Variants in PSEN2 observed in about 807,000 individuals in gnomAD.
PSEN2 encodes presenilin-2.
Under a neutral mutation model 49.1 loss-of-function variants are expected in PSEN2, and 32 were observed. The ratio of observed to expected loss-of-function variants is 0.65; its 90% confidence interval spans 0.49 to 0.88. The LOEUF (loss-of-function observed/expected upper bound fraction) is 0.88. PSEN2 is among the 40% of genes least tolerant of loss of function. The probability of loss-of-function intolerance (pLI) is 0.00; values close to 1 mark genes in which losing one functional copy is unlikely to be tolerated. For synonymous variants in PSEN2, 255 were observed against 244.0 expected (o/e 1.05, Z -0.42); for missense variants, 522 against 586.9 (o/e 0.89, Z 1.14).
At chr1:226,901,052 T>C (rs1394022706), downstream of PSEN2, among the ~76,000 whole-genome samples, 2 of 152,142 alleles carry the variant, frequency 1.3e-5, no homozygotes, top group East Asian at 3.8e-4. Context: ...GTTTGTAGAA[T>C]AGGTGCTCTT....
At chr1:226,878,989 C>T (rs1467065234) in intron 3 of PSEN2, among the ~76,000 whole-genome samples, 7 of 152,172 alleles carry the variant, frequency 4.6e-5, no homozygotes, top group Non-Finnish European at 1.0e-4. Flanking sequence ...TCTAGTGAGG[C>T]TGAGCCAGAG....
At chr1:226,893,888 G>A in intron 11 of PSEN2, 119 bp from the exon 12 acceptor site, 1 of 847,860 alleles carries the variant, frequency 1.2e-6, no homozygotes, top group Non-Finnish European at 2.0e-6. Flanking sequence ...AGCTTCTAGA[G>A]GCCAGGTGGG....
rs1048421013 is a variant in PSEN2, at chr1:226,891,206, C to T, written c.887-72C>T. The T allele has an allele frequency of 2.0e-5, 28 of 1,368,348 alleles. 1 individual carries two copies. In the Middle Eastern group the frequency reaches 1.1e-3, roughly 54 times the overall value. 84.8% of individuals were successfully genotyped at this position (1,368,348 alleles called of 1,614,324 possible). On this transcript the variant is annotated intron_variant, in intron 9 of 12. Transcript: ENST00000366783. ...GCAGGCTTTCTGGGACGCAGACTGGCCACCTCCCCCAGGCCCTGCAGGCAG... is the reference window on the plus strand; with the variant it reads ...GCAGGCTTTCTGGGACGCAGACTGGTCACCTCCCCCAGGCCCTGCAGGCAG...
At position 226,883,585 on chromosome 1, in the gene PSEN2, C is replaced by T. The variant is rs574813788; in HGVS notation, c.142-120C>T. 7.3e-4 allele frequency: 688 copies of T among 946,258 alleles called. 3 individuals carry two copies. The South Asian group carries it at 9.4e-3, about 13-fold the overall frequency. 58.6% of individuals were successfully genotyped at this position (946,258 alleles called of 1,614,324 possible). ...ATATGCCCTAGTAGCTCATAGACTG[C>T]TCCTTATATCTGGAAAGCAACATTC... On this transcript the variant is annotated intron_variant, in intron 4 of 12. Transcript: ENST00000366783.
chr1:226,897,602 A>C (rs1295620661), downstream of PSEN2: 1 of 155,116 alleles, frequency 6.4e-6, no homozygotes, highest in Non-Finnish European at 1.5e-5. Context: ...AAGAAAAATG[A>C]GAGAATTTGT....
At position 226,891,394 on chromosome 1, in the gene PSEN2, C is replaced by G. The variant is rs143876830; in HGVS notation, c.970+33C>G. On this transcript the variant is annotated intron_variant, in intron 10 of 12. Coordinates refer to ENST00000366783, the MANE Select transcript of PSEN2 (RefSeq NM_000447.3). Reference sequence around the variant, plus strand: ...TCTTGGGGAGCTAACAGCCTCTCATCACTGGGGGGCAGCTCCCTACCTGCA... The same window carrying G: ...TCTTGGGGAGCTAACAGCCTCTCATGACTGGGGGGCAGCTCCCTACCTGCA... 791 of 1,563,846 alleles carry G rather than the reference C, an allele frequency of 5.1e-4. 1 individual carries two copies. Among genetic ancestry groups the G allele is most frequent in the Non-Finnish European group, 6.2e-4 (705 of 1,144,790 alleles).
chr1:226,887,625 C>T (rs754830261), intron 6 of PSEN2, among the ~76,000 whole-genome samples: 26 of 152,170 alleles, frequency 1.7e-4, no homozygotes, highest in Non-Finnish European at 5.9e-5. Context: ...AGTGAGTCTC[C>T]TATCACTGTA....
chr1:226,880,824 C>A, intron 3 of PSEN2: 2 of 1,573,258 alleles, frequency 1.3e-6, no homozygotes, highest in South Asian at 2.4e-5. Flanking sequence ...TGGCCTTCCC[C>A]TGGGTCCCGC....
intron 3 of PSEN2, among the ~76,000 whole-genome samples, chr1:226,876,987 C>A (rs1240629167): frequency 6.6e-6 from 1 of 152,166 alleles, no homozygotes; most frequent in African/African-American, 2.4e-5. Context: ...TCCACTCCTC[C>A]TCCTCCCTAG....
At chr1:226,888,727 A>G in intron 7 of PSEN2, 102 bp from the exon 8 acceptor site, 1 of 1,004,700 alleles carries the variant, frequency 1.0e-6, no homozygotes, top group Non-Finnish European at 1.6e-6. Flanking sequence ...CGGGGAAGGA[A>G]ATGTTAGTAA....
At chr1:226,896,106 GTT>G (rs1662135218), downstream of PSEN2, 1 of 171,010 alleles carries the variant, frequency 5.8e-6, no homozygotes, top group African/African-American at 2.4e-5. Context: ...GAATCTTGGA[GTT>G]TGGTCCGTTG....
chr1:226,896,687 C>T (rs1291970772), downstream of PSEN2, among the ~76,000 whole-genome samples: 1 of 151,884 alleles, frequency 6.6e-6, no homozygotes, highest in East Asian at 1.9e-4. Flanking sequence ...CATAGTGAGA[C>T]TTTGTACAAA....
At chr1:226,889,635 C>T (rs896429863) in intron 8 of PSEN2, among the ~76,000 whole-genome samples, 10 of 152,232 alleles carry the variant, frequency 6.6e-5, no homozygotes, top group Non-Finnish European at 4.4e-5. Flanking sequence ...ACTGGACACG[C>T]TGTAAGTGAT....
chr1:226,879,835 C>G (rs1448826456), intron 3 of PSEN2, among the ~76,000 whole-genome samples: 2 of 152,216 alleles, frequency 1.3e-5, no homozygotes, highest in African/African-American at 4.8e-5. Context: ...CTGTACTTGT[C>G]TCATCTATCC....
intron 10 of PSEN2, 53 bp downstream of exon 10, chr1:226,891,414 C>T: frequency 6.8e-7 from 1 of 1,471,590 alleles, no homozygotes. Flanking sequence ...CAGCTCCCTA[C>T]CTGCACCCAG....
chr1:226,873,971 T>C (rs1660467558), intron 2 of PSEN2, among the ~76,000 whole-genome samples: 1 of 152,114 alleles, frequency 6.6e-6, no homozygotes, highest in Admixed American at 6.5e-5. Flanking sequence ...AGAGAAGCAG[T>C]GCCCTCTGTC....
At chr1:226,880,558 T>TCAGCCTCTGGACAGCGATCACG (rs1660914055) in intron 3 of PSEN2, 36 of 1,577,674 alleles carry the variant, frequency 2.3e-5, no homozygotes, top group Non-Finnish European at 2.6e-5. Context: ...CAGCGATCAC[T>TCAGCCTCTGGACAGCGATCACG]CAGCCTCTGG....
At chr1:226,879,701 C>T (rs1388005135) in intron 3 of PSEN2, among the ~76,000 whole-genome samples, 1 of 152,218 alleles carries the variant, frequency 6.6e-6, no homozygotes, top group Non-Finnish European at 1.5e-5. Flanking sequence ...ATCCCTCTTA[C>T]TTCTTGTGAC....
At chr1:226,895,215 C>CT (rs1369415742) in intron 12 of PSEN2, among the ~76,000 whole-genome samples, 3 of 152,228 alleles carry the variant, frequency 2.0e-5, no homozygotes, top group Admixed American at 6.5e-5. Context: ...GGTTCACTCA[C>CT]TAACAGGTGA....
Sources: allele counts gnomAD v4.1 joint callset (sites outside exome capture counted in the v4.1 genomes callset), GRCh38; gene constraint gnomAD v4.1.1; transcripts MANE v1.5; gene names NCBI Gene and HGNC (gene_info 2026-07-23, HGNC 2026-07-21).